The following NCKAP5 variants were observed in gnomAD, a reference collection of about 807,000 sequenced individuals.
NCKAP5 encodes NCK associated protein 5.
A neutral mutation model predicts 167.0 loss-of-function variants in NCKAP5; 92 were observed. That is an observed-to-expected ratio of 0.55 (90% CI 0.47 to 0.66). The LOEUF (loss-of-function observed/expected upper bound fraction) is 0.66. NCKAP5 is among the 30% of genes least tolerant of loss of function. The pLI is 0.00. For missense variants in NCKAP5, 2,378 were observed against 2,315.0 expected (o/e 1.03, Z -0.56); for synonymous variants, 891 against 877.4 (o/e 1.02, Z -0.27).
intron 16 of NCKAP5, among the ~76,000 whole-genome samples, chr2:132,761,607 T>TG (rs1681016000): frequency 6.6e-6 from 1 of 152,270 alleles, no homozygotes; most frequent in African/African-American, 2.4e-5. Context: ...GAGAGGATTT[T>TG]GAAATTCTAA....
intron 4 of NCKAP5, among the ~76,000 whole-genome samples, chr2:133,238,415 T>C (rs2087525437): frequency 6.6e-6 from 1 of 152,184 alleles, no homozygotes; most frequent in South Asian, 2.1e-4. Flanking sequence ...GCAGAGCCTA[T>C]AGCATTCTCT....
chr2:133,661,752 C>G, the NCKAP5 span, among the ~76,000 whole-genome samples: 1 of 152,184 alleles, frequency 6.6e-6, no homozygotes, highest in Non-Finnish European at 1.5e-5. Flanking sequence ...TACCCAAGCC[C>G]TTTCCCCTGA....
At chr2:133,334,228 G>A (rs1455403252) in intron 3 of NCKAP5, among the ~76,000 whole-genome samples, 3 of 152,064 alleles carry the variant, frequency 2.0e-5, no homozygotes, top group East Asian at 1.9e-4. Context: ...CTGTAAAATG[G>A]GGATAATAAT....
At chr2:132,946,432 G>T (rs1156891613) in intron 8 of NCKAP5, among the ~76,000 whole-genome samples, 1 of 152,088 alleles carries the variant, frequency 6.6e-6, no homozygotes, top group African/African-American at 2.4e-5. Context: ...AAACCTATAG[G>T]TGACAGCGGC....
chr2:133,189,366 C>T (rs1343773680), intron 5 of NCKAP5, among the ~76,000 whole-genome samples: 1 of 152,168 alleles, frequency 6.6e-6, no homozygotes, highest in Admixed American at 6.5e-5. Flanking sequence ...CAAAGAGGAG[C>T]TGGTACCGTT....
intron 2 of NCKAP5, among the ~76,000 whole-genome samples, chr2:133,523,196 A>G (rs900806238): frequency 1.3e-5 from 2 of 149,598 alleles, no homozygotes; most frequent in East Asian, 3.9e-4. Flanking sequence ...AGTAAATTCT[A>G]TTTTCTGATA....
intron 3 of NCKAP5, among the ~76,000 whole-genome samples, chr2:133,336,821 G>T (rs1381838235): frequency 6.6e-6 from 1 of 152,144 alleles, no homozygotes; most frequent in East Asian, 1.9e-4. Context: ...GGCTGATAAA[G>T]TTGATTTCAT....
At chr2:133,121,756 T>A (rs2082258077) in intron 6 of NCKAP5, among the ~76,000 whole-genome samples, 1 of 141,602 alleles carries the variant, frequency 7.1e-6, no homozygotes, top group African/African-American at 2.8e-5. Context: ...TCCCAAAAGG[T>A]AAACACTCTA....
intron 8 of NCKAP5, among the ~76,000 whole-genome samples, chr2:132,883,534 C>T (rs1287686829): frequency 6.6e-6 from 1 of 152,180 alleles, no homozygotes; most frequent in African/African-American, 2.4e-5. Context: ...TCCTCTTTCC[C>T]CTTTATCTCC....
chr2:132,698,563 T>G (rs369008478), intron 19 of NCKAP5, among the ~76,000 whole-genome samples: 3 of 152,230 alleles, frequency 2.0e-5, no homozygotes, highest in South Asian at 2.1e-4. Context: ...GGCCGGGAGC[T>G]GTGGCTCACA....
chr2:133,329,533 T>C (rs72987685), intron 3 of NCKAP5, among the ~76,000 whole-genome samples: 1 of 151,380 alleles, frequency 6.6e-6, no homozygotes, highest in African/African-American at 2.4e-5. Flanking sequence ...AAGTGGGGGG[T>C]ATTGAAAGAT....
Position 133,004,407 on chromosome 2 carries a change from G to A in NCKAP5, c.342-10168C>T, listed in dbSNP as rs550514499. ...TGTTGGCCGCTCTGAGAAATAAAGA[G>A]AAAGAGTACAAAGAGAGAAATTTTA... On this transcript the variant is annotated intron_variant, in intron 6 of 19. Coordinates refer to ENST00000409261, the MANE Select transcript of NCKAP5 (RefSeq NM_207363.3). Among the ~76,000 whole-genome samples, 724 of 152,276 alleles carry A rather than the reference G, an allele frequency of 4.8e-3. 6 individuals carry two copies. Among genetic ancestry groups the A allele is most frequent in the African/African-American group, 0.016 (670 of 41,552 alleles).
chr2:133,611,997 T>C, the NCKAP5 span, among the ~76,000 whole-genome samples: 8 of 152,310 alleles, frequency 5.3e-5, no homozygotes, highest in South Asian at 1.7e-3. Flanking sequence ...TTCAACATAA[T>C]TCTATGGTCA....
chr2:132,818,026 C>A lies in NCKAP5; in HGVS notation c.808-21297G>T, dbSNP rs377295546. Among the ~76,000 whole-genome samples, 23 of 152,326 alleles carry A rather than the reference C, an allele frequency of 1.5e-4. No homozygotes were observed. In the East Asian group the frequency reaches 3.9e-3, roughly 26 times the overall value. ...GCCGCGGCATGATCATGGCTCACTG[C>A]GGCCTCCACCTCTCGAGCTCAAACA... is the stretch of plus-strand genomic sequence containing the variant. On this transcript the variant is annotated intron_variant, in intron 11 of 19. Coordinates refer to ENST00000409261, the MANE Select transcript of NCKAP5 (RefSeq NM_207363.3).
intron 3 of NCKAP5, among the ~76,000 whole-genome samples, chr2:133,314,141 C>G (rs1681443088): frequency 6.6e-6 from 1 of 152,184 alleles, no homozygotes; most frequent in Non-Finnish European, 1.5e-5. Flanking sequence ...CTCCCCAAAG[C>G]TATCCTGGGA....
chr2:133,025,629 C>T (rs769438613), intron 6 of NCKAP5, among the ~76,000 whole-genome samples: 28 of 152,234 alleles, frequency 1.8e-4, no homozygotes, highest in Non-Finnish European at 2.8e-4. Flanking sequence ...AAGGAGCAGA[C>T]CTAGAGAAAG....
the NCKAP5 span, among the ~76,000 whole-genome samples, chr2:133,584,949 G>GGAAA: frequency 9.2e-6 from 1 of 109,088 alleles, no homozygotes; most frequent in South Asian, 3.2e-4. Context: ...AAAGAAGGAA[G>GGAAA]GAAGGAAGGA....
intron 4 of NCKAP5, among the ~76,000 whole-genome samples, chr2:133,249,692 A>C (rs1164021573): frequency 6.6e-6 from 1 of 152,202 alleles, no homozygotes; most frequent in African/African-American, 2.4e-5. Flanking sequence ...ACACAGATTC[A>C]AGCTCTATGT....
In NCKAP5 at chr2:132,967,761, G is replaced by T. The variant is rs1464704858; in HGVS notation, c.430-3892C>A. On this transcript the variant is annotated intron_variant, in intron 7 of 19. Coordinates refer to ENST00000409261, the MANE Select transcript of NCKAP5 (RefSeq NM_207363.3). ...ATATTCCATGAAATTATATTCTAATGTTGGTAAACATGACAAACTCCAAAT... is the reference window on the plus strand; with the variant it reads ...ATATTCCATGAAATTATATTCTAATTTTGGTAAACATGACAAACTCCAAAT... Among the ~76,000 whole-genome samples the T allele has an allele frequency of 2.0e-5, 3 of 152,180 alleles. No homozygotes were observed. In the East Asian group the frequency reaches 5.8e-4, roughly 29 times the overall value.
Sources: allele counts gnomAD v4.1 joint callset (sites outside exome capture counted in the v4.1 genomes callset), GRCh38; gene constraint gnomAD v4.1.1; transcripts MANE v1.5; gene names NCBI Gene and HGNC (gene_info 2026-07-23, HGNC 2026-07-21).